The following TAFA5 variants were observed in gnomAD, a reference collection of about 807,000 sequenced individuals.
TAFA5 encodes TAFA chemokine like family member 5.
In TAFA5, 6 loss-of-function variants were observed where a neutral mutation model predicts 15.3. The ratio of observed to expected loss-of-function variants is 0.39; its 90% CI spans 0.21 to 0.77. TAFA5 has a LOEUF of 0.77. TAFA5 is among the 30% of genes least tolerant of loss of function. The pLI, the probability that TAFA5 is intolerant of heterozygous loss-of-function variation, is 0.41. For missense variants in TAFA5, 161 were observed against 193.1 expected (o/e 0.83, Z 0.98); for synonymous variants, 103 against 80.7 (o/e 1.28, Z -1.48).
Position 48,677,331 on chromosome 22 carries a change from C to T in TAFA5, c.263-30386C>T, listed in dbSNP as rs76611694. ...CACCTTTGGTCATCACGCCTTGGCT[C>T]GGACGTCGGTTTCAGATGTGCAGTT... On this transcript the variant is annotated intron_variant, in intron 2 of 3. Transcript: ENST00000402357. 8.9e-3 allele frequency among the ~76,000 whole-genome samples: 1,353 copies of T among 152,356 alleles called. 16 individuals are homozygous for T. Among genetic ancestry groups the T allele is most frequent in the African/African-American group, 0.031 (1,269 of 41,590 alleles).
intron 1 of TAFA5, among the ~76,000 whole-genome samples, chr22:48,529,699 T>A (rs1027402828): frequency 7.3e-5 from 11 of 151,384 alleles, no homozygotes; most frequent in Non-Finnish European, 1.3e-4. Flanking sequence ...CAGGTGGGAT[T>A]CCAGGGGTCT....
At chr22:48,743,644 G>C (rs953700914) in intron 3 of TAFA5, among the ~76,000 whole-genome samples, 5 of 152,172 alleles carry the variant, frequency 3.3e-5, no homozygotes, top group African/African-American at 1.2e-4. Context: ...GGCGTACCAC[G>C]GCCAGGAGCG....
chr22:48,525,502 T>C (rs1921750198), intron 1 of TAFA5, among the ~76,000 whole-genome samples: 1 of 152,096 alleles, frequency 6.6e-6, no homozygotes, highest in Non-Finnish European at 1.5e-5. Context: ...CAAATGCCCC[T>C]TCCCCCTCCC....
intron 2 of TAFA5, among the ~76,000 whole-genome samples, chr22:48,690,813 G>C (rs1928516740): frequency 6.6e-6 from 1 of 152,042 alleles, no homozygotes; most frequent in Non-Finnish European, 1.5e-5. Context: ...GCTGTGGGCT[G>C]ACCTATGTCA....
intron 3 of TAFA5, among the ~76,000 whole-genome samples, chr22:48,717,495 A>G (rs1259507740): frequency 1.3e-5 from 2 of 152,254 alleles, no homozygotes; most frequent in African/African-American, 4.8e-5. Context: ...GAATTCGCAA[A>G]TGAATTCCAA....
chr22:48,604,227 T>C (rs1317336678), intron 1 of TAFA5, among the ~76,000 whole-genome samples: 3 of 151,760 alleles, frequency 2.0e-5, no homozygotes, highest in African/African-American at 4.9e-5. Context: ...TTGGACCGAG[T>C]GTTTACATCT....
chr22:48,615,903 T>G (rs1014622962), intron 1 of TAFA5, among the ~76,000 whole-genome samples: 2 of 152,174 alleles, frequency 1.3e-5, no homozygotes, highest in African/African-American at 4.8e-5. Flanking sequence ...GGCCTAATGG[T>G]TTCCAATCCT....
At chr22:48,664,358 A>G (rs1303892541) in intron 2 of TAFA5, among the ~76,000 whole-genome samples, 1 of 152,180 alleles carries the variant, frequency 6.6e-6, no homozygotes, top group Non-Finnish European at 1.5e-5. Flanking sequence ...GTCTCGTGAA[A>G]TGATCTTCCC....
chr22:48,494,182 A>T (rs917515802), intron 1 of TAFA5, among the ~76,000 whole-genome samples: 2 of 152,244 alleles, frequency 1.3e-5, no homozygotes, highest in East Asian at 3.8e-4. Flanking sequence ...TTTTCAGGTG[A>T]CTTTTATGGG....
At chr22:48,650,813 C>T (rs1007547270) in intron 2 of TAFA5, among the ~76,000 whole-genome samples, 1 of 136,940 alleles carries the variant, frequency 7.3e-6, no homozygotes, top group Non-Finnish European at 1.6e-5. Flanking sequence ...TCCCCTCCCC[C>T]AGGGCTGCCC....
intron 1 of TAFA5, among the ~76,000 whole-genome samples, chr22:48,629,778 GCA>G (rs1406245517): frequency 6.6e-6 from 1 of 152,240 alleles, no homozygotes; most frequent in Non-Finnish European, 1.5e-5. Flanking sequence ...ACGGTCCCTA[GCA>G]CAGAGTCCCA....
intron 1 of TAFA5, among the ~76,000 whole-genome samples, chr22:48,496,428 G>GT (rs1928326466): frequency 6.6e-6 from 1 of 152,170 alleles, no homozygotes; most frequent in African/African-American, 2.4e-5. Context: ...GAGCTGTACG[G>GT]TGAGGCAGCC....
chr22:48,632,913 C>T (rs1436626827), intron 1 of TAFA5, among the ~76,000 whole-genome samples: 1 of 152,184 alleles, frequency 6.6e-6, no homozygotes, highest in Non-Finnish European at 1.5e-5. Context: ...CTAGAGACCC[C>T]ATGGGCCTGC....
At chr22:48,649,122 C>T (rs961445328) in intron 2 of TAFA5, among the ~76,000 whole-genome samples, 4 of 152,306 alleles carry the variant, frequency 2.6e-5, no homozygotes, top group Middle Eastern at 3.4e-3. Flanking sequence ...GAAGGGGCCG[C>T]GGGCTCTTGG....
intron 1 of TAFA5, chr22:48,576,584 G>C: frequency 1.4e-6 from 2 of 1,448,468 alleles, no homozygotes; most frequent in Non-Finnish European, 9.2e-7. Context: ...AATTGTCCCC[G>C]GGCGCGCGGA....
chr22:48,643,940 T>A (rs1926772683), intron 1 of TAFA5, among the ~76,000 whole-genome samples: 1 of 152,224 alleles, frequency 6.6e-6, no homozygotes, highest in Admixed American at 6.5e-5. Flanking sequence ...GGGACCATCC[T>A]CAGATCACAG....
At chr22:48,601,490 C>T (rs1007618031) in intron 1 of TAFA5, among the ~76,000 whole-genome samples, 2 of 151,928 alleles carry the variant, frequency 1.3e-5, no homozygotes, top group African/African-American at 4.8e-5. Flanking sequence ...CCATGCCCGG[C>T]GAATTTTTGC....
chr22:48,700,395 C>A (rs897864076), intron 2 of TAFA5, among the ~76,000 whole-genome samples: 52 of 152,144 alleles, frequency 3.4e-4, no homozygotes, highest in African/African-American at 1.2e-3. Context: ...AGAGTGTACC[C>A]AGGTACGACT....
intron 1 of TAFA5, among the ~76,000 whole-genome samples, chr22:48,613,283 C>A (rs1007129274): frequency 6.6e-6 from 1 of 152,136 alleles, no homozygotes; most frequent in Non-Finnish European, 1.5e-5. Context: ...TGGTCCCTTA[C>A]GTCTCTCCTG....
Sources: allele counts gnomAD v4.1 joint callset (sites outside exome capture counted in the v4.1 genomes callset), GRCh38; gene constraint gnomAD v4.1.1; transcripts MANE v1.5; gene names NCBI Gene and HGNC (gene_info 2026-07-23, HGNC 2026-07-21).